HELB: variants seen among roughly 807,000 people sequenced by gnomAD.
HELB encodes DNA helicase B, also known as DNA 5'-3' helicase B.
In HELB, 96 loss-of-function variants were observed where a neutral mutation model predicts 101.7. The observed-to-expected ratio is 0.94, with a 90% CI of 0.80 to 1.12. The LOEUF (loss-of-function observed/expected upper bound fraction) is 1.12, where lower values mean the gene tolerates loss of function less well. HELB is among the 50% of genes most tolerant of loss of function. The pLI is 0.00. For missense variants in HELB, 1,210 were observed against 1,291.9 expected (o/e 0.94, Z 0.97); for synonymous variants, 437 against 459.7 (o/e 0.95, Z 0.63).
intron 11 of HELB, among the ~76,000 whole-genome samples, chr12:66,328,797 T>C (rs1431642307): frequency 1.3e-5 from 2 of 151,936 alleles, no homozygotes; most frequent in Non-Finnish European, 2.9e-5. Context: ...ATTGATTATA[T>C]GTTAAAATGA....
chr12:66,320,953 A>G (rs1238180682), intron 7 of HELB, among the ~76,000 whole-genome samples: 1 of 152,208 alleles, frequency 6.6e-6, no homozygotes, highest in Admixed American at 6.5e-5. Context: ...CATCCTGTAC[A>G]TGTTAAAAAG....
chr12:66,329,757 C>G (rs142250127), intron 11 of HELB, among the ~76,000 whole-genome samples: 17 of 152,052 alleles, frequency 1.1e-4, no homozygotes, highest in African/African-American at 4.1e-4. Context: ...AGTATATCTA[C>G]TATTATTACT....
chr12:66,315,975 A>G (rs1430828255), intron 6 of HELB, among the ~76,000 whole-genome samples: 1 of 152,222 alleles, frequency 6.6e-6, no homozygotes, highest in Non-Finnish European at 1.5e-5. Context: ...CTTTTTTTTA[A>G]TACAGTCATG....
chr12:66,319,273 G>T (rs531658264), intron 7 of HELB, among the ~76,000 whole-genome samples: 1 of 152,292 alleles, frequency 6.6e-6, no homozygotes, highest in East Asian at 1.9e-4. Flanking sequence ...TTTATAAAAT[G>T]GGTAAACGCA....
At chr12:66,327,066 A>AATATATATATATATAT (rs1555167520) in intron 11 of HELB, among the ~76,000 whole-genome samples, 25 of 46,814 alleles carry the variant, frequency 5.3e-4, no homozygotes, top group African/African-American at 3.0e-3. Context: ...AAAAAAAAAA[A>AATATATATATATATAT]ATATATATAT....
chr12:66,327,489 T>C (rs2053755275), intron 11 of HELB, among the ~76,000 whole-genome samples: 1 of 152,008 alleles, frequency 6.6e-6, no homozygotes, highest in Admixed American at 6.6e-5. Flanking sequence ...TATAATCCAG[T>C]TTTTTTTAAT....
At chr12:66,321,718 T>C (rs995063278) in intron 7 of HELB, 1 of 431,282 alleles carries the variant, frequency 2.3e-6, no homozygotes, top group Non-Finnish European at 4.2e-6. Context: ...TGGCCAGGGG[T>C]TGACCTCTCT....
At chr12:66,328,728 T>C (rs1280026453) in intron 11 of HELB, among the ~76,000 whole-genome samples, 1 of 152,224 alleles carries the variant, frequency 6.6e-6, no homozygotes, top group Non-Finnish European at 1.5e-5. Context: ...TAAATTGAAA[T>C]GTTCTGGTTG....
chr12:66,312,082 C>G (rs766724172), intron 4 of HELB, among the ~76,000 whole-genome samples: 1 of 152,204 alleles, frequency 6.6e-6, no homozygotes, highest in Non-Finnish European at 1.5e-5. Context: ...ACAGTGAATT[C>G]GAGCTTTAAA....
At position 66,302,736 on chromosome 12, in the gene HELB, G is replaced by A; in HGVS notation, c.133G>A (p.Glu45Lys). The change falls in exon 1 of 13, where the codon GAG (glutamate) becomes AAG (lysine). Residue 45 changes from glutamate to lysine, a missense_variant. Glu to Lys is a moderately conservative substitution (Grantham distance 56, BLOSUM62 1). Transcript: ENST00000247815. ...TGAAGAGTCCGTGTTCATCGACGCC[G>A]AGGAGCTCTGCAGTGGGGGCGTAAA... The part of the protein sequence containing the change: ...EDEESVFIDA[E>K]ELCSGGVKAG... The A allele has an allele frequency of 6.2e-7, 1 of 1,613,986 alleles. No individual in the cohort carries two copies. Among genetic ancestry groups the A allele is most frequent in the Non-Finnish European group, 8.5e-7 (1 of 1,179,926 alleles).
intron 1 of HELB, among the ~76,000 whole-genome samples, chr12:66,303,913 C>T (rs1275228734): frequency 1.3e-5 from 2 of 152,200 alleles, no homozygotes; most frequent in African/African-American, 4.8e-5. Context: ...GGTATAATAG[C>T]CACTAGCCAT....
chr12:66,322,874 C>T (rs1190790229), intron 9 of HELB, 91 bp downstream of exon 9: 7 of 728,162 alleles, frequency 9.6e-6, no homozygotes, highest in Non-Finnish European at 1.4e-5. Context: ...CACCTATTTA[C>T]ATATATTCCC....
intron 12 of HELB, among the ~76,000 whole-genome samples, chr12:66,337,071 G>A (rs1452530979): frequency 2.0e-5 from 3 of 152,148 alleles, no homozygotes; most frequent in African/African-American, 7.2e-5. Flanking sequence ...TTGGATTCAG[G>A]TGGGGTTGGG....
In HELB at chr12:66,331,135, A is replaced by C. The variant is rs891606677; in HGVS notation, c.2671-19A>C. 7.6e-6 allele frequency: 12 copies of C among 1,580,878 alleles called. No homozygotes were observed. In the African/African-American group the frequency reaches 1.6e-4, roughly 21 times the overall value. On this transcript the variant is annotated intron_variant, in intron 11 of 12. Transcript: ENST00000247815. ...CTATTTTATAGCATTTAGTCTTCAC[A>C]CCATATTTTTCCTGCCAGGGGTCCG... is the stretch of plus-strand genomic sequence containing the variant.
chr12:66,320,359 A>C (rs1487006860), intron 7 of HELB, among the ~76,000 whole-genome samples: 2 of 152,186 alleles, frequency 1.3e-5, no homozygotes, highest in African/African-American at 4.8e-5. Flanking sequence ...ATATACAATC[A>C]TATTTATTTC....
intron 10 of HELB, chr12:66,324,655 G>A (rs934160827): frequency 2.3e-5 from 7 of 300,244 alleles, no homozygotes; most frequent in South Asian, 1.2e-4. Context: ...GTGAGGAAAA[G>A]TAAACTGCAA....
At position 66,331,479 on chromosome 12, in the gene HELB, C is replaced by T. The variant is rs1482159011; in HGVS notation, c.2996C>T (p.Thr999Ile). The change falls in exon 12 of 13, where the codon ACC (threonine) becomes ATC (isoleucine). Residue 999 changes from threonine to isoleucine, a missense_variant. By Grantham distance (89) the Thr-to-Ile change is moderately conservative. Coordinates refer to ENST00000247815, the MANE Select transcript of HELB (RefSeq NM_001370285.1). ...VTDHAMTNDV[T>I]WSEASSPDER... is the part of the protein sequence containing the mutation. ...GACCACGCCATGACAAATGATGTCA[C>T]CTGGAGCGAGGCCTCTTCGCCTGAT... The T allele has an allele frequency of 1.2e-6, 2 of 1,614,046 alleles. No homozygotes were observed. Among genetic ancestry groups the T allele is most frequent in the African/African-American group, 1.3e-5 (1 of 74,932 alleles).
In HELB at chr12:66,318,930, A is replaced by C. The variant is rs1419623085; in HGVS notation, c.2155+138A>C. ...AGCAAAAAAAGAGACATTGAAAATA[A>C]ATGAACTTAGTAATCATCAAAAGCA... On this transcript the variant is annotated intron_variant, in intron 7 of 12. Coordinates refer to ENST00000247815, the MANE Select transcript of HELB (RefSeq NM_001370285.1). 4.5e-6 allele frequency: 3 copies of C among 672,710 alleles called. No homozygotes were observed. The African/African-American group carries it at 5.6e-5, about 13-fold the overall frequency. The allele number at this position is 672,710 out of a possible 1,614,324, so 41.7% of individuals were successfully genotyped here.
chr12:66,333,333 G>C (rs1187236792), intron 12 of HELB, among the ~76,000 whole-genome samples: 1 of 152,134 alleles, frequency 6.6e-6, no homozygotes, highest in African/African-American at 2.4e-5. Context: ...GAGCAGCATG[G>C]GGGCCTCTGA....
Sources: gnomAD v4.1 joint callset for allele counts (sites outside exome capture counted in the v4.1 genomes callset) on GRCh38, gnomAD v4.1.1 for gene constraint, MANE v1.5 for transcripts, NCBI Gene and HGNC (gene_info 2026-07-23, HGNC 2026-07-21) for gene names.